The following SLIT2 variants were observed in gnomAD, a reference collection of about 807,000 sequenced individuals.
The protein encoded by SLIT2 is slit guidance ligand 2.
SLIT2 carries 41 observed loss-of-function variants against 185.7 expected under a neutral mutation model. The ratio of observed to expected loss-of-function variants is 0.22; its 90% CI spans 0.17 to 0.29. The LOEUF is 0.29. Ranked by LOEUF, SLIT2 falls within the 10% of genes least tolerant of loss-of-function variation. SLIT2 has a pLI of 1.00. For missense variants in SLIT2, 1,571 were observed against 1,909.0 expected, an observed-to-expected ratio of 0.82 and a Z score of 3.30; for synonymous variants, 693 against 680.2, an observed-to-expected ratio of 1.02 and a Z score of -0.29.
chr4:20,297,250 T>C (rs774382862), intron 4 of SLIT2, among the ~76,000 whole-genome samples: 4 of 152,208 alleles, frequency 2.6e-5, no homozygotes, highest in Non-Finnish European at 5.9e-5. Flanking sequence ...TAAGAAATAG[T>C]TCGTATGTTT....
intron 4 of SLIT2, among the ~76,000 whole-genome samples, chr4:20,337,307 T>A (rs962305467): frequency 6.6e-6 from 1 of 152,178 alleles, no homozygotes; most frequent in Non-Finnish European, 1.5e-5. Flanking sequence ...AGAAAGCTTG[T>A]GTGGGGAAAC....
At chr4:20,349,864 A>G (rs1383009524) in intron 4 of SLIT2, among the ~76,000 whole-genome samples, 1 of 152,272 alleles carries the variant, frequency 6.6e-6, no homozygotes, top group East Asian at 1.9e-4. Flanking sequence ...CATGCACTAC[A>G]CATCTTTCTG....
At chr4:20,546,846 A>G (rs1481525136) in intron 22 of SLIT2, among the ~76,000 whole-genome samples, 1 of 152,078 alleles carries the variant, frequency 6.6e-6, no homozygotes, top group African/African-American at 2.4e-5. Context: ...CCTTATTGGT[A>G]ATTGAGAAAA....
At chr4:20,420,415 T>C (rs1363046753) in intron 4 of SLIT2, among the ~76,000 whole-genome samples, 1 of 152,214 alleles carries the variant, frequency 6.6e-6, no homozygotes, top group Non-Finnish European at 1.5e-5. Context: ...TGCAACACTT[T>C]GTATGCCAGT....
chr4:20,542,408 G>T, intron 20 of SLIT2, 86 bp from the exon 21 acceptor site: 1 of 1,262,504 alleles, frequency 7.9e-7, no homozygotes. Flanking sequence ...TCTTGTGTTT[G>T]TTAAGTTAAT....
chr4:20,553,273 A>T (rs950407947), intron 25 of SLIT2, among the ~76,000 whole-genome samples: 1 of 152,200 alleles, frequency 6.6e-6, no homozygotes, highest in Non-Finnish European at 1.5e-5. Context: ...CAGAAAAGTT[A>T]ATCTGTTTGT....
intron 2 of SLIT2, 39 bp from the exon 3 acceptor site, chr4:20,257,829 G>C: frequency 2.0e-6 from 2 of 987,868 alleles, no homozygotes; most frequent in Non-Finnish European, 3.2e-6. Context: ...CAGATGGTGA[G>C]TGGTAACATT....
chr4:20,526,728 T>C (rs958828736), intron 15 of SLIT2, among the ~76,000 whole-genome samples: 2 of 152,218 alleles, frequency 1.3e-5, no homozygotes, highest in African/African-American at 4.8e-5. Context: ...TAAGTTTCAA[T>C]TTATGATAAT....
At chr4:20,447,935 T>G (rs1425530964) in intron 4 of SLIT2, among the ~76,000 whole-genome samples, 1 of 152,208 alleles carries the variant, frequency 6.6e-6, no homozygotes, top group Non-Finnish European at 1.5e-5. Flanking sequence ...TTAAGAGGTA[T>G]TCACAGATTT....
At chr4:20,605,711 A>ATATTTTATTT (rs376845737) in intron 33 of SLIT2, among the ~76,000 whole-genome samples, 13,064 of 131,748 alleles carry the variant, frequency 0.099, 873 homozygotes, top group East Asian at 0.14. Context: ...ATTTTATTTT[A>ATATTTTATTT]TATTTTATTT....
At chr4:20,613,319 G>A (rs955967553) in intron 34 of SLIT2, among the ~76,000 whole-genome samples, 2 of 152,152 alleles carry the variant, frequency 1.3e-5, no homozygotes, top group African/African-American at 2.4e-5. Context: ...ATACCATGCA[G>A]CCACAAAAAA....
intron 4 of SLIT2, among the ~76,000 whole-genome samples, chr4:20,325,768 T>C (rs1390193821): frequency 1.3e-5 from 2 of 152,152 alleles, no homozygotes; most frequent in African/African-American, 4.8e-5. Context: ...ATCTTTCATA[T>C]AAATCTCAAA....
intron 4 of SLIT2, among the ~76,000 whole-genome samples, chr4:20,442,694 G>A (rs1049705630): frequency 5.3e-5 from 8 of 152,124 alleles, no homozygotes; most frequent in Non-Finnish European, 1.0e-4. Context: ...GAGTTGGAGA[G>A]GGTGTGGACT....
At chr4:20,392,629 A>G (rs1725515861) in intron 4 of SLIT2, among the ~76,000 whole-genome samples, 1 of 152,154 alleles carries the variant, frequency 6.6e-6, no homozygotes, top group Non-Finnish European at 1.5e-5. Context: ...AGTACATTGT[A>G]CAGCTGTATA....
Position 20,619,149 on chromosome 4 carries a change from C to T in SLIT2, c.*140C>T. The T allele has an allele frequency of 1.2e-6, 1 of 809,302 alleles. No individual in the cohort carries two copies. Among genetic ancestry groups the T allele is most frequent in the South Asian group, 3.4e-5 (1 of 29,180 alleles). 50.1% of individuals were successfully genotyped at this position (809,302 alleles called of 1,614,324 possible). On this transcript the variant is annotated 3_prime_UTR_variant, in exon 37 of 37. Coordinates refer to ENST00000504154, the MANE Select transcript of SLIT2 (RefSeq NM_004787.4). Reference sequence around the variant, plus strand: ...CTTATTTTTATTATGAGAATAAAGACTTTTTTTCTGCATTTGGAAAAAAAA... The same window carrying T: ...CTTATTTTTATTATGAGAATAAAGATTTTTTTTCTGCATTTGGAAAAAAAA...
intron 4 of SLIT2, among the ~76,000 whole-genome samples, chr4:20,426,050 T>C (rs75325149): frequency 4.1e-4 from 62 of 152,334 alleles, no homozygotes; most frequent in African/African-American, 1.4e-3. Context: ...ATGAGTGTTT[T>C]GCTCAGTGCT....
chr4:20,392,058 A>C (rs978807865), intron 4 of SLIT2: 1 of 152,070 alleles, frequency 6.6e-6, no homozygotes, highest in Non-Finnish European at 1.5e-5. Context: ...ATACGGTAAT[A>C]TGACACTTAA....
chr4:20,396,231 C>T (rs913333542), intron 4 of SLIT2, among the ~76,000 whole-genome samples: 4 of 151,686 alleles, frequency 2.6e-5, no homozygotes, highest in Admixed American at 2.6e-4. Flanking sequence ...TAACAAACAC[C>T]ATGTAGGCCT....
At chr4:20,613,875 T>C (rs1729436482) in intron 34 of SLIT2, among the ~76,000 whole-genome samples, 1 of 152,118 alleles carries the variant, frequency 6.6e-6, no homozygotes, top group Non-Finnish European at 1.5e-5. Flanking sequence ...TGACACAATT[T>C]TTTTTGTTTT....
Sources: gnomAD v4.1 joint callset for allele counts (sites outside exome capture counted in the v4.1 genomes callset) on GRCh38, gnomAD v4.1.1 for gene constraint, MANE v1.5 for transcripts, NCBI Gene and HGNC (gene_info 2026-07-23, HGNC 2026-07-21) for gene names.